Variants in MYH13 observed in about 807,000 individuals in gnomAD.
MYH13 encodes myosin-13.
MYH13 carries 177 observed loss-of-function variants against 232.1 expected under a neutral mutation model. That is an observed-to-expected ratio of 0.76 (90% CI 0.67 to 0.86). The LOEUF is 0.86. MYH13 is among the 40% of genes least tolerant of loss of function. The pLI, the probability that MYH13 is intolerant of heterozygous loss-of-function variation, is 0.00. For synonymous variants in MYH13, 884 were observed against 923.5 expected, an observed-to-expected ratio of 0.96 and a Z score of 0.78; for missense variants, 2,246 against 2,405.9, an observed-to-expected ratio of 0.93 and a Z score of 1.39.
chr17:10,320,475 C>G lies in MYH13; in HGVS notation c.3133G>C (p.Glu1045Gln). The G allele has an allele frequency of 6.2e-7, 1 of 1,613,248 alleles. No individual in the cohort carries two copies. Among genetic ancestry groups the G allele is most frequent in the South Asian group, 1.1e-5 (1 of 90,722 alleles). The change falls in exon 25 of 41, where the codon GAG (glutamate) becomes CAG (glutamine). Residue 1045 changes from glutamate to glutamine, a missense_variant. Coordinates refer to ENST00000252172, the MANE Select transcript of MYH13 (RefSeq NM_003802.3). ...TCCAAGTCCGCCCGCAGTTTCTTCTCCTGCTCTAAGGAACCCTCAAGCTGA... is the reference window on the plus strand; with the variant it reads ...TCCAAGTCCGCCCGCAGTTTCTTCTGCTGCTCTAAGGAACCCTCAAGCTGA... ...TDDLEGSLEQ[E>Q]KKLRADLERA...
intron 20 of MYH13, among the ~76,000 whole-genome samples, chr17:10,331,392 C>T (rs1219213641): frequency 6.6e-6 from 1 of 152,160 alleles, no homozygotes; most frequent in African/African-American, 2.4e-5. Flanking sequence ...CTGACCTTTG[C>T]CACTTACTAT....
At chr17:10,339,789 A>G (rs766622791) in intron 18 of MYH13, among the ~76,000 whole-genome samples, 4 of 152,182 alleles carry the variant, frequency 2.6e-5, no homozygotes, top group Non-Finnish European at 5.9e-5. Flanking sequence ...GACATTTTTC[A>G]TTGTTTAACT....
At chr17:10,305,861 G>C (rs1906262612) in intron 37 of MYH13, among the ~76,000 whole-genome samples, 1 of 152,166 alleles carries the variant, frequency 6.6e-6, no homozygotes, top group Non-Finnish European at 1.5e-5. Flanking sequence ...GAACTTTGCT[G>C]GTGCATCAAG....
chr17:10,365,199 A>G (rs534893429), intron 2 of MYH13, among the ~76,000 whole-genome samples: 27 of 152,316 alleles, frequency 1.8e-4, no homozygotes, highest in African/African-American at 5.8e-4. Flanking sequence ...TAAATCGCTC[A>G]TCGTGTTTGA....
intron 23 of MYH13, among the ~76,000 whole-genome samples, chr17:10,321,986 T>C (rs1040185777): frequency 1.3e-5 from 2 of 152,218 alleles, no homozygotes; most frequent in Admixed American, 1.3e-4. Context: ...CTCTGAAGGG[T>C]AAAACATCAA....
In MYH13 at chr17:10,351,695, G is replaced by T. The variant is rs11078844; in HGVS notation, c.1006-1001C>A. Among the ~76,000 whole-genome samples, 16 of 152,022 alleles carry T rather than the reference G, an allele frequency of 1.1e-4. No homozygotes were observed. The East Asian group carries it at 1.7e-3, about 17-fold the overall frequency. ...AAGACTGGGACTGGAGTTAGGTCTT[G>T]GTCCCTTCAAAACCTAGGGTCATTG... On this transcript the variant is annotated intron_variant, in intron 11 of 40. Transcript: ENST00000252172.
chr17:10,352,867 A>G (rs1390150634), intron 11 of MYH13, among the ~76,000 whole-genome samples: 1 of 152,234 alleles, frequency 6.6e-6, no homozygotes, highest in Non-Finnish European at 1.5e-5. Flanking sequence ...AGCAAACTAT[A>G]ACCTAAATTA....
intron 12 of MYH13, among the ~76,000 whole-genome samples, chr17:10,350,091 C>T (rs1165584051): frequency 1.3e-5 from 2 of 152,060 alleles, no homozygotes; most frequent in Non-Finnish European, 2.9e-5. Flanking sequence ...GAGGAAGAAC[C>T]GTTCACCATT....
chr17:10,321,512 T>C lies in MYH13; in HGVS notation c.3111+20A>G, dbSNP rs1906937801. Reference sequence around the variant, plus strand: ...TCCACAAGTGATAAATGCTAAAGCATAGTAGTAAAATATCCTCACATCATC... The same window carrying C: ...TCCACAAGTGATAAATGCTAAAGCACAGTAGTAAAATATCCTCACATCATC... On this transcript the variant is annotated intron_variant, in intron 24 of 40. Transcript: ENST00000252172. 5.6e-6 allele frequency: 9 copies of C among 1,605,354 alleles called. No homozygotes were observed. The highest frequency in any genetic ancestry group is 7.7e-6 in the Non-Finnish European group (9 of 1,174,896).
rs142831290 is a variant in MYH13 at position 10,359,999 on chromosome 17, G to A, written c.606C>T (p.Thr202=). The A allele has an allele frequency of 3.8e-4, 616 of 1,614,010 alleles. 3 individuals are homozygous for A. In the African/African-American group the frequency reaches 5.6e-3, roughly 15 times the overall value. The change falls in exon 7 of 41, where the codon ACC becomes ACT. Residue 202 remains threonine, a synonymous_variant. Transcript: ENST00000252172. ...GCTGTGTCTCCTTCTTCTTGTCCCC[G>A]GTAACTGCAATTGTTGCAAAATACT... ...VIQYFATIAV[T]GDKKKETQPG...
Position 10,337,975 on chromosome 17 carries a change from C to A in MYH13, c.2056+2175G>T, listed in dbSNP as rs567937898. Among the ~76,000 whole-genome samples, 5 of 152,222 alleles carry A rather than the reference C, an allele frequency of 3.3e-5. No individual in the cohort carries two copies. In the South Asian group the frequency reaches 1.0e-3, roughly 32 times the overall value. ...GGCTGAGGCAGGAGAATAGCTTGAACCAGGGAGTTGGAGGTTGCAGTGAGC... is the reference window on the plus strand; with the variant it reads ...GGCTGAGGCAGGAGAATAGCTTGAAACAGGGAGTTGGAGGTTGCAGTGAGC... On this transcript the variant is annotated intron_variant, in intron 18 of 40. Coordinates refer to ENST00000252172, the MANE Select transcript of MYH13 (RefSeq NM_003802.3).
In MYH13 at chr17:10,306,899, G is replaced by T. The variant is rs766088955; in HGVS notation, c.5295+40C>A. ...CTGGCTCAGAGGCCCCACTTTCTCAGTTCCAAACCCCATCTCTGAAAAGGA... is the reference window on the plus strand; with the variant it reads ...CTGGCTCAGAGGCCCCACTTTCTCATTTCCAAACCCCATCTCTGAAAAGGA... On this transcript the variant is annotated intron_variant, in intron 36 of 40. Coordinates refer to ENST00000252172, the MANE Select transcript of MYH13 (RefSeq NM_003802.3). The surrounding 1 kb of genome is among the most constrained non-coding windows in gnomAD (Gnocchi z 4.3). The T allele has an allele frequency of 2.5e-6, 4 of 1,610,930 alleles. No homozygotes were observed. The highest frequency in any genetic ancestry group is 2.2e-5 in the East Asian group (1 of 44,882).
chr17:10,308,756 C>T (rs1480954376), intron 35 of MYH13, among the ~76,000 whole-genome samples: 3 of 152,072 alleles, frequency 2.0e-5, no homozygotes, highest in Admixed American at 1.3e-4. Context: ...GGGTCTCCCT[C>T]TGTTGCCCAG....
chr17:10,338,769 C>T (rs902732913), intron 18 of MYH13, among the ~76,000 whole-genome samples: 1 of 147,988 alleles, frequency 6.8e-6, no homozygotes, highest in African/African-American at 2.5e-5. Context: ...GGCACGATCT[C>T]GGCTCACTGC....
chr17:10,320,231 T>C lies in MYH13; in HGVS notation c.3270A>G (p.Glu1090=). The C allele has an allele frequency of 6.2e-7, 1 of 1,603,254 alleles. No individual in the cohort carries two copies. Among genetic ancestry groups the C allele is most frequent in the Non-Finnish European group, 8.5e-7 (1 of 1,174,730 alleles). The part of the protein sequence containing the change: ...IEEKLKKKEF[E]LSQLQAKIDD... ...CTATTTTGGCTTGTAACTGACTGAGTTCAAACTCCTTCCTGCAAATAGATT... is the reference window on the plus strand; with the variant it reads ...CTATTTTGGCTTGTAACTGACTGAGCTCAAACTCCTTCCTGCAAATAGATT... Residue 1090 remains glutamate (E), a synonymous_variant, in exon 26 of 41, where the codon GAA becomes GAG. Transcript: ENST00000252172.
At chr17:10,315,409 A>G (rs1490388762) in intron 29 of MYH13, among the ~76,000 whole-genome samples, 1 of 152,150 alleles carries the variant, frequency 6.6e-6, no homozygotes, top group Non-Finnish European at 1.5e-5. Flanking sequence ...TGTCTGCCTC[A>G]GCCTCCCGAG....
chr17:10,319,702 C>T (rs1311892495), intron 26 of MYH13, among the ~76,000 whole-genome samples: 1 of 152,012 alleles, frequency 6.6e-6, no homozygotes, highest in African/African-American at 2.4e-5. Context: ...AAGAAAGGAG[C>T]AAATTGCAGA....
Position 10,309,336 on chromosome 17 carries a change from C to T in MYH13, c.5067G>A (p.Leu1689=), listed in dbSNP as rs1446711470. The T allele has an allele frequency of 6.2e-7, 1 of 1,613,912 alleles. No homozygotes were observed. Among genetic ancestry groups the T allele is most frequent in the South Asian group, 1.1e-5 (1 of 91,060 alleles). Residue 1689 remains leucine, a synonymous_variant, in exon 35 of 41, where the codon CTG becomes CTA. Transcript: ENST00000252172. ...GTTCCAGGGCCACCTTCATTTCCTC[C>T]AGCTCCTCCAGCAGGAGGCCATTCC... is the stretch of plus-strand genomic sequence containing the variant. ...ERRNGLLLEE[L]EEMKVALEQT...
chr17:10,341,827 A>G (rs919865066), intron 16 of MYH13, among the ~76,000 whole-genome samples: 5 of 152,220 alleles, frequency 3.3e-5, no homozygotes, highest in Non-Finnish European at 5.9e-5. Context: ...AAGTTTACGC[A>G]TGTGCCCATT....
Sources: allele counts gnomAD v4.1 joint callset (sites outside exome capture counted in the v4.1 genomes callset), GRCh38; gene constraint gnomAD v4.1.1; non-coding constraint Gnocchi (gnomAD v3.1); transcripts MANE v1.5; gene names NCBI Gene and HGNC (gene_info 2026-07-23, HGNC 2026-07-21).